The following SYNE1 variants were observed in gnomAD, a reference collection of about 807,000 sequenced individuals.
SYNE1 encodes the protein spectrin repeat containing nuclear envelope protein 1.
Under a neutral mutation model 1,111.0 loss-of-function variants are expected in SYNE1, and 616 were observed. The observed-to-expected ratio is 0.55, with a 90% CI of 0.52 to 0.59. SYNE1 has a LOEUF of 0.59. Among genes scored for constraint, SYNE1 ranks in the 20% least tolerant of loss-of-function variants. SYNE1 has a pLI of 0.00. For missense variants in SYNE1, 10,006 were observed against 10,417.0 expected, an observed-to-expected ratio of 0.96 and a Z score of 1.72; for synonymous variants, 3,855 against 3,825.8, an observed-to-expected ratio of 1.01 and a Z score of -0.28.
intron 33 of SYNE1, chr6:152,434,823 A>T (rs946320966): frequency 2.6e-5 from 4 of 152,192 alleles, no homozygotes; most frequent in African/African-American, 9.6e-5. Flanking sequence ...GACATCAAGA[A>T]AAATAGAGTG....
rs1393273520 is a variant in SYNE1, at chr6:152,248,412, T to A, written c.19572+749A>T. On this transcript the variant is annotated intron_variant, in intron 105 of 145. Transcript: ENST00000367255. ...TGTGATTTATAACATAAATTGCTTATAATTTATAAATAAATAAAAATACAT... is the reference window on the plus strand; with the variant it reads ...TGTGATTTATAACATAAATTGCTTAAAATTTATAAATAAATAAAAATACAT... 3.9e-5 allele frequency among the ~76,000 whole-genome samples: 6 copies of A among 152,034 alleles called. No individual in the cohort carries two copies. In the South Asian group the frequency reaches 8.3e-4, roughly 21 times the overall value.
chr6:152,125,627 G>T, intron 145 of SYNE1: 1 of 345,546 alleles, frequency 2.9e-6, no homozygotes. Context: ...CCTGTAGCTA[G>T]ATGAGTTATA....
intron 38 of SYNE1, 124 bp from the exon 39 acceptor site, chr6:152,425,671 C>T: frequency 1.8e-6 from 2 of 1,111,500 alleles, no homozygotes; most frequent in Non-Finnish European, 2.7e-6. Context: ...TCGGGACAGG[C>T]TGAAGAGAGT....
intron 63 of SYNE1, among the ~76,000 whole-genome samples, 192 bp downstream of exon 63, chr6:152,364,655 G>T (rs999099986): frequency 2.0e-5 from 3 of 147,986 alleles, no homozygotes; most frequent in African/African-American, 2.5e-5. Context: ...GAAAGGAAAG[G>T]GAGTGAGGGA....
chr6:152,322,459 A>C (rs1454843170), intron 82 of SYNE1, among the ~76,000 whole-genome samples: 1 of 151,724 alleles, frequency 6.6e-6, no homozygotes, highest in Admixed American at 6.5e-5. Flanking sequence ...TAAATTATCA[A>C]TGAATATTTT....
rs763961815 is a variant in SYNE1, at chr6:152,149,473, A to G, written c.24642+4T>C. On this transcript the variant is annotated splice_donor_region_variant and intron_variant, in intron 136 of 145. Coordinates refer to ENST00000367255, the MANE Select transcript of SYNE1 (RefSeq NM_182961.4). Reference sequence around the variant, plus strand: ...TGACAACTAAGAAAATCAATGTTACATACAGGCAGGCGGATCAGTTTCTTA... The same window carrying G: ...TGACAACTAAGAAAATCAATGTTACGTACAGGCAGGCGGATCAGTTTCTTA... 1 of 1,614,056 alleles carries G rather than the reference A, an allele frequency of 6.2e-7. No individual in the cohort carries two copies. The highest frequency in any genetic ancestry group is 2.2e-5 in the East Asian group (1 of 44,878).
At chr6:152,562,284 A>G (rs977340777) in intron 3 of SYNE1, among the ~76,000 whole-genome samples, 2 of 152,332 alleles carry the variant, frequency 1.3e-5, no homozygotes, top group East Asian at 1.9e-4. Context: ...CGAATGGCCA[A>G]TTACAAGAAA....
intron 22 of SYNE1, chr6:152,456,523 T>C (rs2098697381): frequency 5.4e-6 from 1 of 186,554 alleles, no homozygotes; most frequent in Non-Finnish European, 1.1e-5. Flanking sequence ...CCTAAATTTA[T>C]AATATTTGAA....
intron 3 of SYNE1, among the ~76,000 whole-genome samples, chr6:152,540,650 T>G (rs769851095): frequency 3.9e-5 from 6 of 152,204 alleles, no homozygotes; most frequent in Non-Finnish European, 8.8e-5. Flanking sequence ...ACAAAGGTGA[T>G]GAGATGTCAC....
chr6:152,284,290 T>G (rs918129182), intron 95 of SYNE1, 118 bp from the exon 96 acceptor site: 1 of 1,066,816 alleles, frequency 9.4e-7, no homozygotes, highest in African/African-American at 1.6e-5. Context: ...CTGGGAATCA[T>G]TAATCAATCA....
chr6:152,284,328 T>A lies in SYNE1; in HGVS notation c.18013-156A>T, dbSNP rs11155844. ...AAATAGCAGCCTACTCACCTACATTTCTAAATGAAAGGCCAGGACTTTTCT... is the reference window on the plus strand; with the variant it reads ...AAATAGCAGCCTACTCACCTACATTACTAAATGAAAGGCCAGGACTTTTCT... On this transcript the variant is annotated intron_variant, in intron 95 of 145. Transcript: ENST00000367255. 9.6e-3 allele frequency: 7,833 copies of A among 817,584 alleles called. 52 individuals are homozygous for A. The highest frequency in any genetic ancestry group is 0.013 in the Non-Finnish European group (6,318 of 495,212). 50.6% of individuals were successfully genotyped at this position (817,584 alleles called of 1,614,324 possible).
intron 3 of SYNE1, among the ~76,000 whole-genome samples, chr6:152,622,206 T>C (rs570417365): frequency 6.7e-4 from 102 of 152,288 alleles, no homozygotes; most frequent in African/African-American, 2.4e-3. Flanking sequence ...AAATGAGTTT[T>C]TGACACTGTT....
chr6:152,286,389 T>C (rs554522255), intron 95 of SYNE1, among the ~76,000 whole-genome samples: 1 of 152,316 alleles, frequency 6.6e-6, no homozygotes, highest in East Asian at 1.9e-4. Context: ...TCATACACGA[T>C]GCACTGCTCT....
intron 106 of SYNE1, among the ~76,000 whole-genome samples, chr6:152,243,798 G>T (rs1448873722): frequency 6.6e-6 from 1 of 152,208 alleles, no homozygotes; most frequent in African/African-American, 2.4e-5. Flanking sequence ...ATGTGTGTCT[G>T]TGTGACTGTA....
At chr6:152,406,141 G>T (rs2154161635) in intron 45 of SYNE1, among the ~76,000 whole-genome samples, 1 of 152,172 alleles carries the variant, frequency 6.6e-6, no homozygotes, top group South Asian at 2.1e-4. Flanking sequence ...GCAAGAAATA[G>T]GAATAAAAAG....
chr6:152,499,083 G>A (rs1407230751), intron 10 of SYNE1, among the ~76,000 whole-genome samples: 1 of 151,924 alleles, frequency 6.6e-6, no homozygotes, highest in Non-Finnish European at 1.5e-5. Context: ...ATTTTAGAAG[G>A]TAAACTATGT....
At chr6:152,289,720 A>G (rs565765650) in intron 95 of SYNE1, among the ~76,000 whole-genome samples, 29 of 152,254 alleles carry the variant, frequency 1.9e-4, no homozygotes, top group South Asian at 6.2e-4. Context: ...TCCGCCTCCC[A>G]GGTTCACGTC....
intron 82 of SYNE1, among the ~76,000 whole-genome samples, chr6:152,322,772 A>C (rs2095907092): frequency 1.3e-5 from 2 of 151,886 alleles, no homozygotes; most frequent in South Asian, 4.2e-4. Context: ...TGTTTGCAAA[A>C]CTCAATGCCT....
intron 128 of SYNE1, among the ~76,000 whole-genome samples, chr6:152,185,626 A>C (rs933398411): frequency 6.6e-6 from 1 of 152,250 alleles, no homozygotes; most frequent in African/African-American, 2.4e-5. Flanking sequence ...TTCAAGCATT[A>C]AGACACTTCA....
Sources: allele counts gnomAD v4.1 joint callset (sites outside exome capture counted in the v4.1 genomes callset), GRCh38; gene constraint gnomAD v4.1.1; transcripts MANE v1.5; gene names NCBI Gene and HGNC (gene_info 2026-07-23, HGNC 2026-07-21).